The following EHBP1 variants were observed in gnomAD, a reference collection of about 807,000 sequenced individuals.
The protein encoded by EHBP1 is EH domain-binding protein 1.
In EHBP1, 55 loss-of-function variants were observed where a neutral mutation model predicts 144.0. The observed-to-expected ratio is 0.38, with a 90% CI of 0.31 to 0.48. The LOEUF (loss-of-function observed/expected upper bound fraction) is 0.48, where lower values mean the gene tolerates loss of function less well. EHBP1 is among the 20% of genes least tolerant of loss of function. EHBP1 has a pLI of 0.98. For synonymous variants in EHBP1, 469 were observed against 472.7 expected, an observed-to-expected ratio of 0.99 and a Z score of 0.10; for missense variants, 1,200 against 1,364.2, an observed-to-expected ratio of 0.88 and a Z score of 1.90.
intron 14 of EHBP1, among the ~76,000 whole-genome samples, chr2:62,957,858 G>A (rs1270784512): frequency 6.6e-6 from 1 of 151,938 alleles, no homozygotes; most frequent in African/African-American, 2.4e-5. Context: ...GTGATAGCCA[G>A]GATGGTCTTG....
chr2:62,860,710 A>C (rs983595436), intron 8 of EHBP1, among the ~76,000 whole-genome samples: 1 of 152,210 alleles, frequency 6.6e-6, no homozygotes, highest in Non-Finnish European at 1.5e-5. Flanking sequence ...AATATTTACA[A>C]AATGTCTTGA....
intron 19 of EHBP1, among the ~76,000 whole-genome samples, chr2:63,020,144 T>G (rs566211855): frequency 6.6e-6 from 1 of 151,608 alleles, no homozygotes; most frequent in Non-Finnish European, 1.5e-5. Context: ...GTCAACATGG[T>G]GAAGCCCATC....
chr2:63,038,925 C>A, intron 21 of EHBP1, 109 bp downstream of exon 21: 1 of 993,030 alleles, frequency 1.0e-6, no homozygotes, highest in South Asian at 1.7e-5. Context: ...TAGGGACCTT[C>A]CGGAATTGCA....
chr2:62,786,640 TGAATCTTAA>T (rs2042823651), intron 5 of EHBP1, among the ~76,000 whole-genome samples: 2 of 152,266 alleles, frequency 1.3e-5, no homozygotes, highest in African/African-American at 4.8e-5. Context: ...TACTGCACCT[TGAATCTTAA>T]AGATTAAGTT....
intron 5 of EHBP1, among the ~76,000 whole-genome samples, chr2:62,784,858 G>C (rs1158806499): frequency 6.6e-6 from 1 of 152,112 alleles, no homozygotes; most frequent in African/African-American, 2.4e-5. Flanking sequence ...CCCAAACTTG[G>C]CTGCCTATGA....
At chr2:62,683,501 T>TA in intron 1 of EHBP1, among the ~76,000 whole-genome samples, 1 of 150,804 alleles carries the variant, frequency 6.6e-6, no homozygotes, top group East Asian at 2.0e-4. Flanking sequence ...GTACTGAAAA[T>TA]ACAAAAAATT....
chr2:62,931,756 A>G (rs2056007713), intron 10 of EHBP1, among the ~76,000 whole-genome samples: 1 of 152,226 alleles, frequency 6.6e-6, no homozygotes, highest in Admixed American at 6.5e-5. Context: ...TCCATGCTGT[A>G]TATGCCACCT....
At chr2:62,957,076 C>T (rs1019834325) in intron 14 of EHBP1, among the ~76,000 whole-genome samples, 1 of 152,152 alleles carries the variant, frequency 6.6e-6, no homozygotes, top group Non-Finnish European at 1.5e-5. Flanking sequence ...CAGTTATGAA[C>T]ATAGATGTAA....
chr2:62,863,688 C>A (rs548813543), intron 8 of EHBP1, among the ~76,000 whole-genome samples: 54 of 152,024 alleles, frequency 3.6e-4, no homozygotes, highest in African/African-American at 1.2e-3. Context: ...AGTTCAGTGG[C>A]CTGTGAGTAT....
chr2:62,855,250 C>T (rs1451012609), intron 7 of EHBP1, among the ~76,000 whole-genome samples: 1 of 152,204 alleles, frequency 6.6e-6, no homozygotes, highest in Admixed American at 6.5e-5. Context: ...GGTGCTGTCA[C>T]AGCCCGGCCA....
chr2:62,890,585 T>G (rs983673343), intron 10 of EHBP1, among the ~76,000 whole-genome samples: 1 of 152,200 alleles, frequency 6.6e-6, no homozygotes, highest in Non-Finnish European at 1.5e-5. Context: ...TGCACATTGA[T>G]TTTGTATCCT....
chr2:62,821,046 G>A (rs2045947173), intron 5 of EHBP1, among the ~76,000 whole-genome samples: 1 of 151,480 alleles, frequency 6.6e-6, no homozygotes, highest in South Asian at 2.1e-4. Context: ...AATGCCATTA[G>A]TTTAATTTTT....
At chr2:62,909,947 C>T (rs1034099932) in intron 10 of EHBP1, among the ~76,000 whole-genome samples, 2 of 151,904 alleles carry the variant, frequency 1.3e-5, no homozygotes, top group African/African-American at 2.4e-5. Context: ...TTAGTAGAGA[C>T]GGGGCTTCAC....
chr2:62,927,653 A>G (rs993713416), intron 10 of EHBP1, among the ~76,000 whole-genome samples: 1 of 152,308 alleles, frequency 6.6e-6, no homozygotes. Flanking sequence ...ACATACACAT[A>G]CTTGTACAAT....
chr2:62,770,957 A>G (rs539992963), intron 4 of EHBP1, among the ~76,000 whole-genome samples: 2 of 152,282 alleles, frequency 1.3e-5, no homozygotes, highest in South Asian at 4.2e-4. Context: ...AAGTGATGAA[A>G]ACTCATGAAC....
intron 10 of EHBP1, among the ~76,000 whole-genome samples, chr2:62,912,304 C>T (rs1330493180): frequency 1.3e-5 from 2 of 152,074 alleles, no homozygotes; most frequent in African/African-American, 2.4e-5. Context: ...GTAATCCCAG[C>T]ACTTTGGAAG....
At chr2:63,032,352 A>G (rs2061287493) in intron 19 of EHBP1, among the ~76,000 whole-genome samples, 1 of 151,604 alleles carries the variant, frequency 6.6e-6, no homozygotes, top group Non-Finnish European at 1.5e-5. Context: ...GTGGATCATG[A>G]GGTCAGGAAA....
chr2:62,835,562 G>T (rs1320698304), intron 7 of EHBP1, among the ~76,000 whole-genome samples: 2 of 152,206 alleles, frequency 1.3e-5, no homozygotes, highest in Non-Finnish European at 2.9e-5. Flanking sequence ...GGTGATTTCT[G>T]CATTTCCATC....
At chr2:62,683,142 ACC>A (rs142275832) in intron 1 of EHBP1, among the ~76,000 whole-genome samples, 127,990 of 151,792 alleles carry the variant, frequency 0.84, 54,221 homozygotes, top group African/African-American at 0.92. Flanking sequence ...CAACGGTCCC[ACC>A]CCCTCCTATC....
Sources: gnomAD v4.1 joint callset for allele counts (sites outside exome capture counted in the v4.1 genomes callset) on GRCh38, gnomAD v4.1.1 for gene constraint, MANE v1.5 for transcripts, NCBI Gene and HGNC (gene_info 2026-07-23, HGNC 2026-07-21) for gene names.